The following ZNF341 variants were observed in gnomAD, a reference collection of about 807,000 sequenced individuals.
ZNF341 encodes zinc finger protein 341.
Under a neutral mutation model 87.7 loss-of-function variants are expected in ZNF341, and 52 were observed. The ratio of observed to expected loss-of-function variants is 0.59; its 90% CI spans 0.47 to 0.75. The LOEUF is 0.75. Among genes scored for constraint, ZNF341 ranks in the 30% least tolerant of loss-of-function variants. ZNF341 has a pLI of 0.00. For missense variants in ZNF341, 977 were observed against 1,145.9 expected, an observed-to-expected ratio of 0.85 and a Z score of 2.13; for synonymous variants, 459 against 472.7, an observed-to-expected ratio of 0.97 and a Z score of 0.38.
chr20:33,789,859 T>C (rs982771755), intron 14 of ZNF341, among the ~76,000 whole-genome samples: 3 of 152,056 alleles, frequency 2.0e-5, no homozygotes, highest in Non-Finnish European at 2.9e-5. Context: ...CCCAGTGTAA[T>C]AGAGGTGTGG....
intron 12 of ZNF341, chr20:33,787,754 C>T (rs1228847273): frequency 6.6e-6 from 1 of 152,288 alleles, no homozygotes; most frequent in East Asian, 1.9e-4. Flanking sequence ...CTTCACCTCT[C>T]TGAACTTCAG....
chr20:33,779,006 T>C (rs1448302663), intron 10 of ZNF341, among the ~76,000 whole-genome samples: 1 of 152,122 alleles, frequency 6.6e-6, no homozygotes, highest in Admixed American at 6.6e-5. Flanking sequence ...GACTCTGTAT[T>C]AGGCCATTCT....
At chr20:33,771,635 G>A (rs867598408) in intron 10 of ZNF341, among the ~76,000 whole-genome samples, 3 of 152,190 alleles carry the variant, frequency 2.0e-5, no homozygotes, top group South Asian at 4.2e-4. Context: ...TATCACTTCA[G>A]TCTTCCATTG....
chr20:33,738,226 T>C (rs113989403), intron 1 of ZNF341, among the ~76,000 whole-genome samples: 5,187 of 151,684 alleles, frequency 0.034, 301 homozygotes, highest in African/African-American at 0.12. Context: ...ATCCCTTGAG[T>C]GCAAGAGTTT....
intron 1 of ZNF341, among the ~76,000 whole-genome samples, chr20:33,736,621 C>T (rs2018691526): frequency 6.6e-6 from 1 of 152,122 alleles, no homozygotes; most frequent in Non-Finnish European, 1.5e-5. Flanking sequence ...TCCCGAGTAG[C>T]TGGGACTACA....
chr20:33,789,766 G>A (rs1429818290), intron 14 of ZNF341, among the ~76,000 whole-genome samples, 178 bp downstream of exon 14: 2 of 152,208 alleles, frequency 1.3e-5, no homozygotes, highest in Non-Finnish European at 2.9e-5. Flanking sequence ...AGGGACTTAA[G>A]GGTGAACAGA....
intron 10 of ZNF341, among the ~76,000 whole-genome samples, chr20:33,772,481 C>T (rs576533428): frequency 6.6e-6 from 1 of 152,272 alleles, no homozygotes; most frequent in East Asian, 1.9e-4. Flanking sequence ...ATGGGCTGCT[C>T]AGGGTGACTG....
At chr20:33,756,410 A>G (rs1385992712) in intron 5 of ZNF341, among the ~76,000 whole-genome samples, 1 of 144,488 alleles carries the variant, frequency 6.9e-6, no homozygotes, top group African/African-American at 2.6e-5. Flanking sequence ...TCCATCGCCC[A>G]GGCTGGAGTG....
chr20:33,743,188 C>T (rs1254547368), intron 2 of ZNF341, among the ~76,000 whole-genome samples: 2 of 151,880 alleles, frequency 1.3e-5, no homozygotes, highest in Non-Finnish European at 2.9e-5. Flanking sequence ...CCTGCCACCA[C>T]ACCCGGCTAA....
In ZNF341 at chr20:33,766,952, G is replaced by T; in HGVS notation, c.1324G>T (p.Asp442Tyr). 6.2e-7 allele frequency: 1 copy of T among 1,614,184 alleles called. No individual in the cohort carries two copies. The highest frequency in any genetic ancestry group is 8.5e-7 in the Non-Finnish European group (1 of 1,180,040). ...GGAGTCCAAGCAGGTGGTCCTCATC[G>T]ACAGCTCCTACCTGTGCCAATTCTG... Reference protein sequence around the residue: ...KPESKQVVLIDSSYLCQFCPS... With the variant: ...KPESKQVVLIYSSYLCQFCPS... The change falls in exon 9 of 15, where the codon GAC becomes TAC. Residue 442 changes from aspartate to tyrosine, a missense_variant. By Grantham distance (160) the Asp-to-Tyr change is radical. Transcript: ENST00000375200.
chr20:33,737,574 G>A (rs2018717652), intron 1 of ZNF341, among the ~76,000 whole-genome samples: 1 of 152,140 alleles, frequency 6.6e-6, no homozygotes, highest in South Asian at 2.1e-4. Context: ...GCCCACCTTG[G>A]CCTCCCAAAA....
chr20:33,769,182 G>C (rs932841803), intron 9 of ZNF341, among the ~76,000 whole-genome samples: 4 of 152,112 alleles, frequency 2.6e-5, no homozygotes, highest in African/African-American at 9.7e-5. Context: ...ATGGAAAGTA[G>C]TCAGAAGTAG....
intron 11 of ZNF341, among the ~76,000 whole-genome samples, chr20:33,782,701 C>G (rs1244757240): frequency 1.3e-5 from 2 of 152,190 alleles, no homozygotes; most frequent in Non-Finnish European, 2.9e-5. Context: ...GGTCACCTAG[C>G]TGGGAAACGA....
At chr20:33,738,831 G>A (rs994445240) in intron 1 of ZNF341, among the ~76,000 whole-genome samples, 4 of 152,220 alleles carry the variant, frequency 2.6e-5, no homozygotes, top group Non-Finnish European at 5.9e-5. Flanking sequence ...GAGAGTTGGT[G>A]GAGAGTGGCT....
At chr20:33,779,805 A>T (rs1444112459) in intron 10 of ZNF341, among the ~76,000 whole-genome samples, 2 of 152,076 alleles carry the variant, frequency 1.3e-5, no homozygotes, top group African/African-American at 4.8e-5. Flanking sequence ...CTCACACCCC[A>T]TATTTTGAAT....
rs147280029 is a variant in ZNF341 at position 33,770,219 on chromosome 20, G to A, written c.1549G>A (p.Asp517Asn). 137 of 1,613,876 alleles carry A rather than the reference G, an allele frequency of 8.5e-5. No homozygotes were observed. Among genetic ancestry groups the A allele is most frequent in the Non-Finnish European group, 1.1e-4 (128 of 1,180,012 alleles). Reference sequence around the variant, plus strand: ...CGGCAAGGACTTCCCCTCGCTGTACGACCTGGGCGTGCACCAGTACTCCCA... The same window carrying A: ...CGGCAAGGACTTCCCCTCGCTGTACAACCTGGGCGTGCACCAGTACTCCCA... Reference protein sequence around the residue: ...LCGKDFPSLYDLGVHQYSHSL... With the variant: ...LCGKDFPSLYNLGVHQYSHSL... Residue 517 changes from aspartate (D) to asparagine (N), a missense_variant, in exon 10 of 15, where the codon GAC (aspartate) becomes AAC (asparagine). Physicochemically the swap from Asp to Asn is conservative, Grantham distance 23. Around this residue, in one of 3 missense-constraint regions of ZNF341, gnomAD observed 241 missense variants for 335.0 expected, o/e 0.72. Coordinates refer to ENST00000375200, the MANE Select transcript of ZNF341 (RefSeq NM_001282933.2).
chr20:33,748,112 G>A (rs368690207), intron 3 of ZNF341, among the ~76,000 whole-genome samples: 40 of 151,342 alleles, frequency 2.6e-4, no homozygotes, highest in African/African-American at 8.2e-4. Context: ...TCACTCTGTC[G>A]CCAGGCTGGA....
At chr20:33,772,092 C>T (rs187515081) in intron 10 of ZNF341, among the ~76,000 whole-genome samples, 46 of 141,314 alleles carry the variant, frequency 3.3e-4, no homozygotes, top group Non-Finnish European at 5.1e-4. Flanking sequence ...TGTTGAGTTT[C>T]TCTGCCTCAG....
chr20:33,736,724 TA>T (rs2122625919), intron 1 of ZNF341, among the ~76,000 whole-genome samples: 1 of 152,246 alleles, frequency 6.6e-6, no homozygotes, highest in East Asian at 1.9e-4. Flanking sequence ...CTGTTATACC[TA>T]AAAGTGCTAT....
Sources: gnomAD v4.1 joint callset for allele counts (sites outside exome capture counted in the v4.1 genomes callset) on GRCh38, gnomAD v4.1.1 for gene constraint, gnomAD v4.1.1 regional missense constraint, MANE v1.5 for transcripts, NCBI Gene and HGNC (gene_info 2026-07-23, HGNC 2026-07-21) for gene names.